The following COL16A1 variants were observed in gnomAD, a reference collection of about 807,000 sequenced individuals.
COL16A1 encodes the protein collagen alpha-1(XVI) chain.
In COL16A1, 189 loss-of-function variants were observed where a neutral mutation model predicts 266.3. The observed-to-expected ratio is 0.71, with a 90% confidence interval of 0.63 to 0.80. The LOEUF (loss-of-function observed/expected upper bound fraction) is 0.80. Ranked by LOEUF, COL16A1 falls within the 30% of genes least tolerant of loss-of-function variation. The pLI, the probability that COL16A1 is intolerant of heterozygous loss-of-function variation, is 0.00. For missense variants in COL16A1, 1,928 were observed against 2,122.4 expected (o/e 0.91, Z 1.80); for synonymous variants, 740 against 782.3 (o/e 0.95, Z 0.90).
intron 39 of COL16A1, among the ~76,000 whole-genome samples, chr1:31,680,308 G>A (rs1390359287): frequency 6.6e-6 from 1 of 152,184 alleles, no homozygotes; most frequent in African/African-American, 2.4e-5. Context: ...AATTCCAAGC[G>A]CATGGAGTCT....
Position 31,679,506 on chromosome 1 carries a change from G to A in COL16A1, c.2772+126C>T, listed in dbSNP as rs547614443. The A allele has an allele frequency of 7.7e-5, 125 of 1,613,884 alleles. 3 individuals carry two copies. In the Admixed American group the frequency reaches 1.3e-3, roughly 17 times the overall value. On this transcript the variant is annotated intron_variant, in intron 42 of 70. Coordinates refer to ENST00000373672, the MANE Select transcript of COL16A1 (RefSeq NM_001856.4). ...CACCCTGGGAGGCAGGTAAACAGAGGAGTGAGAAATGGCATGTCTGTGTTT... is the reference window on the plus strand; with the variant it reads ...CACCCTGGGAGGCAGGTAAACAGAGAAGTGAGAAATGGCATGTCTGTGTTT...
At chr1:31,678,213 T>C (rs895639698) in intron 42 of COL16A1, among the ~76,000 whole-genome samples, 2 of 152,042 alleles carry the variant, frequency 1.3e-5, no homozygotes, top group East Asian at 3.9e-4. Context: ...GGAGGGAAGA[T>C]ACAAAATCTA....
rs12562905 is a variant in COL16A1, at chr1:31,685,485, C to T, written c.2016+154G>A. Among the ~76,000 whole-genome samples, 106 of 152,210 alleles carry T rather than the reference C, an allele frequency of 7.0e-4. 2 individuals carry two copies. In the East Asian group the frequency reaches 0.015, roughly 21 times the overall value. On this transcript the variant is annotated intron_variant, in intron 29 of 70. Transcript: ENST00000373672. The surrounding 1 kb of genome is among the most constrained non-coding windows in gnomAD (Gnocchi z 4.0). ...ATAAAGGGCAGAGACCTGTGAGGGCCGCTCCTGCTGGAGACAGAGGCTCTG... is the reference window on the plus strand; with the variant it reads ...ATAAAGGGCAGAGACCTGTGAGGGCTGCTCCTGCTGGAGACAGAGGCTCTG...
At position 31,652,803 on chromosome 1, in the gene COL16A1, C is replaced by T; in HGVS notation, c.4663G>A (p.Gly1555Ser). 6.3e-7 allele frequency: 1 copy of T among 1,597,840 alleles called. No homozygotes were observed. Among genetic ancestry groups the T allele is most frequent in the Non-Finnish European group, 8.5e-7 (1 of 1,174,434 alleles). The change falls in exon 71 of 71, where the codon GGC becomes AGC. Residue 1555 changes from glycine to serine, a missense_variant. Coordinates refer to ENST00000373672, the MANE Select transcript of COL16A1 (RefSeq NM_001856.4). This position sits in a 1 kb window ranked among gnomAD's most constrained non-coding sequence, Gnocchi z 4.8. Reference sequence around the variant, plus strand: ...GGGATGCCAGGGATGCCTTGCTGGCCCATTGGTCCTGTTGCACCCATCTTG... The same window carrying T: ...GGGATGCCAGGGATGCCTTGCTGGCTCATTGGTCCTGTTGCACCCATCTTG... Reference protein sequence around the residue: ...YGKMGATGPMGQQGIPGIPGP... With the variant: ...YGKMGATGPMSQQGIPGIPGP...
intron 9 of COL16A1, 32 bp from the exon 10 acceptor site, chr1:31,695,819 C>T (rs1206348513): frequency 6.3e-7 from 1 of 1,597,768 alleles, no homozygotes. Context: ...TGGGAATGGG[C>T]AGGGAGCTCA....
rs117553098 is a variant in COL16A1, at chr1:31,678,836, G to A, written c.2772+796C>T. ...CACACAGCTAGCACATGGCAGAGCC[G>A]GGATTCAAGTTCAGGCTGCCTGCCT... On this transcript the variant is annotated intron_variant, in intron 42 of 70. Transcript: ENST00000373672. Among the ~76,000 whole-genome samples, 179 of 152,250 alleles carry A rather than the reference G, an allele frequency of 1.2e-3. 3 individuals are homozygous for A. In the East Asian group the frequency reaches 0.022, roughly 19 times the overall value.
rs1644563832 is a variant in COL16A1, at chr1:31,697,828, T to C, written c.657+78A>G. ...AGATTCTAAGCAGGAGAAGGACTTG[T>C]TCCGATACGGATTCCAGGAAGCCCA... On this transcript the variant is annotated intron_variant, in intron 6 of 70. Transcript: ENST00000373672. This position sits in a 1 kb window ranked among gnomAD's most constrained non-coding sequence, Gnocchi z 4.2. The C allele has an allele frequency of 6.7e-6, 10 of 1,487,950 alleles. No homozygotes were observed. The highest frequency in any genetic ancestry group is 4.1e-5 in the Admixed American group (2 of 48,368). 92.2% of individuals were successfully genotyped at this position (1,487,950 alleles called of 1,614,324 possible).
intron 55 of COL16A1, 152 bp from the exon 56 acceptor site, chr1:31,665,386 G>T: frequency 7.1e-7 from 1 of 1,408,840 alleles, no homozygotes. Context: ...TGCCTGGCCT[G>T]CTGGGCTGGG....
intron 44 of COL16A1, among the ~76,000 whole-genome samples, chr1:31,673,529 C>A (rs908709632): frequency 4.6e-5 from 7 of 152,242 alleles, no homozygotes; most frequent in South Asian, 2.1e-4. Flanking sequence ...CAGGCAGGAG[C>A]CCCTGCTCAC....
intron 26 of COL16A1, among the ~76,000 whole-genome samples, chr1:31,687,381 C>CA (rs60096709): frequency 0.028 from 1,656 of 59,178 alleles, 48 homozygotes; most frequent in East Asian, 0.07. Flanking sequence ...GACTCAGTCT[C>CA]AAAAAAAAAA....
intron 67 of COL16A1, among the ~76,000 whole-genome samples, chr1:31,655,109 T>C (rs1641004498): frequency 6.7e-6 from 1 of 149,476 alleles, no homozygotes; most frequent in Non-Finnish European, 1.5e-5. Context: ...CCAGATATGA[T>C]ACAAAACATT....
intron 56 of COL16A1, chr1:31,662,912 G>C: frequency 1.7e-6 from 1 of 573,702 alleles, no homozygotes. Context: ...ATCTTCTCCA[G>C]TGCTGACCCA....
chr1:31,654,945 A>G, intron 67 of COL16A1, 87 bp from the exon 68 acceptor site: 2 of 1,547,062 alleles, frequency 1.3e-6, no homozygotes, highest in Non-Finnish European at 1.8e-6. Context: ...GAGGAAGGCA[A>G]AGGTCCCAGG....
In COL16A1 at chr1:31,691,518, A is replaced by G; in HGVS notation, c.1303-6T>C. 6.2e-7 allele frequency: 1 copy of G among 1,613,940 alleles called. No individual in the cohort carries two copies. The highest frequency in any genetic ancestry group is 1.1e-5 in the South Asian group (1 of 91,090). On this transcript the variant is annotated splice_polypyrimidine_tract_variant and splice_region_variant and intron_variant, in intron 18 of 70. Coordinates refer to ENST00000373672, the MANE Select transcript of COL16A1 (RefSeq NM_001856.4). ...CCAACAAAGCCAGGGTCTCCCTGGC[A>G]CAGACATAAGGTGGGCATCAGAGAG...
At chr1:31,661,611 AGAAGCT>A (rs1641672326) in intron 59 of COL16A1, 43 bp downstream of exon 59, 9 of 1,612,506 alleles carry the variant, frequency 5.6e-6, no homozygotes, top group Non-Finnish European at 5.9e-6. Flanking sequence ...CCACCCAGGC[AGAAGCT>A]GCAACTTCGC....
intron 52 of COL16A1, among the ~76,000 whole-genome samples, chr1:31,667,214 G>C (rs1045292071): frequency 6.6e-6 from 1 of 152,246 alleles, no homozygotes; most frequent in South Asian, 2.1e-4. Flanking sequence ...GGGGGCCCCA[G>C]TGTCCTCATC....
chr1:31,667,899 A>G (rs1358329742), intron 51 of COL16A1, among the ~76,000 whole-genome samples: 2 of 152,066 alleles, frequency 1.3e-5, no homozygotes, highest in Non-Finnish European at 2.9e-5. Flanking sequence ...CCTCACCCCC[A>G]GGAGGCAGAT....
In COL16A1 at chr1:31,666,040, T is replaced by G; in HGVS notation, c.3399A>C (p.Pro1133=). 6.2e-7 allele frequency: 1 copy of G among 1,613,960 alleles called. No individual in the cohort carries two copies. Among genetic ancestry groups the G allele is most frequent in the Non-Finnish European group, 8.5e-7 (1 of 1,179,940 alleles). The part of the protein sequence containing the change: ...GSEGLPGPPG[P]AGPRGERGPQ... ...CCCCATGCCCTCCTTCACTCACCGCTGGGCCTGGGGGGCCTGGGAGGCCTT... is the reference window on the plus strand; with the variant it reads ...CCCCATGCCCTCCTTCACTCACCGCGGGGCCTGGGGGGCCTGGGAGGCCTT... Residue 1133 remains proline (P), a synonymous_variant, in exon 53 of 71, where the codon CCA becomes CCC. Coordinates refer to ENST00000373672, the MANE Select transcript of COL16A1 (RefSeq NM_001856.4).
chr1:31,675,660 CTTTT>C (rs768531873), intron 42 of COL16A1, among the ~76,000 whole-genome samples: 2 of 151,914 alleles, frequency 1.3e-5, no homozygotes, highest in African/African-American at 2.4e-5. Context: ...CTTTCCTTTT[CTTTT>C]TTCTTTTTTT....
Sources: allele counts gnomAD v4.1 joint callset (sites outside exome capture counted in the v4.1 genomes callset), GRCh38; gene constraint gnomAD v4.1.1; non-coding constraint Gnocchi (gnomAD v3.1); transcripts MANE v1.5; gene names NCBI Gene and HGNC (gene_info 2026-07-23, HGNC 2026-07-21).